Variants in DHX36 observed in about 807,000 individuals in gnomAD.
DHX36 encodes ATP-dependent DNA/RNA helicase DHX36.
A neutral mutation model predicts 139.0 loss-of-function variants in DHX36; 50 were observed. The ratio of observed to expected loss-of-function variants is 0.36; its 90% confidence interval spans 0.29 to 0.46. The LOEUF is 0.46. Ranked by LOEUF, DHX36 falls within the 20% of genes least tolerant of loss-of-function variation. DHX36 has a pLI of 1.00. For synonymous variants in DHX36, 425 were observed against 401.9 expected, an observed-to-expected ratio of 1.06 and a Z score of -0.69; for missense variants, 1,024 against 1,211.3, an observed-to-expected ratio of 0.85 and a Z score of 2.29.
rs1008135636 is a variant in DHX36, at chr3:154,273,315, C to A, written c.*2856G>T. Reference sequence around the variant, plus strand: ...TGCAGAAGACATAAATTGGAGGTAACAATAACTGCTTTAATCTCTGTGAAT... The same window carrying A: ...TGCAGAAGACATAAATTGGAGGTAAAAATAACTGCTTTAATCTCTGTGAAT... On this transcript the variant is annotated 3_prime_UTR_variant, in exon 25 of 25. Coordinates refer to ENST00000496811, the MANE Select transcript of DHX36 (RefSeq NM_020865.3). 2 of 152,138 alleles carry A rather than the reference C, an allele frequency of 1.3e-5. No individual in the cohort carries two copies. Among genetic ancestry groups the A allele is most frequent in the Non-Finnish European group, 2.9e-5 (2 of 68,022 alleles). 9.4% of individuals were successfully genotyped at this position (152,138 alleles called of 1,614,324 possible). A position where few individuals can be genotyped will look rare whatever the true frequency, so the allele number is the denominator to read the frequency against.
chr3:154,292,106 C>A (rs564222957), intron 15 of DHX36, among the ~76,000 whole-genome samples: 35 of 152,220 alleles, frequency 2.3e-4, no homozygotes, highest in African/African-American at 7.7e-4. Context: ...GGACTTTGGA[C>A]AAGTCATTTA....
chr3:154,319,889 T>C (rs1713124796), intron 1 of DHX36, among the ~76,000 whole-genome samples: 1 of 152,146 alleles, frequency 6.6e-6, no homozygotes, highest in East Asian at 1.9e-4. Flanking sequence ...AACCCTCTCG[T>C]GAATTCCCCT....
At chr3:154,312,827 C>CA (rs1161856747) in intron 3 of DHX36, among the ~76,000 whole-genome samples, 90 of 62,064 alleles carry the variant, frequency 1.5e-3, no homozygotes, top group South Asian at 6.7e-3. Context: ...GACTCCATCT[C>CA]AAAAAAAAAA....
chr3:154,301,892 T>C (rs1712309187), intron 9 of DHX36, among the ~76,000 whole-genome samples: 1 of 151,842 alleles, frequency 6.6e-6, no homozygotes, highest in Non-Finnish European at 1.5e-5. Context: ...GAGGACAGCA[T>C]CTAGATGGAA....
At chr3:154,303,439 A>G (rs1342813194) in intron 8 of DHX36, 29 bp from the exon 9 acceptor site, 1 of 1,488,334 alleles carries the variant, frequency 6.7e-7, no homozygotes, top group Non-Finnish European at 9.2e-7. Context: ...TATAAGCATA[A>G]ATTTGTACTC....
chr3:154,285,219 TGAGA>T (rs1399837322), intron 17 of DHX36, among the ~76,000 whole-genome samples: 1 of 152,180 alleles, frequency 6.6e-6, no homozygotes, highest in Admixed American at 6.5e-5. Flanking sequence ...TTTTCTGTGT[TGAGA>T]GAAATACCAG....
In DHX36 at chr3:154,286,173, A is replaced by AC. The variant is rs1245228873; in HGVS notation, c.2032-1187_2032-1186insG. Among the ~76,000 whole-genome samples the AC allele has an allele frequency of 2.8e-4, 33 of 119,324 alleles. 1 individual carries two copies. Among genetic ancestry groups the AC allele is most frequent in the Non-Finnish European group, 5.2e-4 (29 of 55,338 alleles). 78.3% of individuals were successfully genotyped at this position (119,324 alleles called of 152,430 possible). A position where few individuals can be genotyped will look rare whatever the true frequency, so the allele number is the denominator to read the frequency against. On this transcript the variant is annotated intron_variant, in intron 17 of 24. Coordinates refer to ENST00000496811, the MANE Select transcript of DHX36 (RefSeq NM_020865.3). ...ATAAGAGCTTCCACACACCAAAAAA[A>AC]AAAAAAAAAAAAAAAAAAACACCAA...
chr3:154,280,651 T>G lies in DHX36; in HGVS notation c.2495A>C (p.Lys832Thr), dbSNP rs1719305531. The change falls in exon 22 of 25, where the codon AAA (lysine) becomes ACA (threonine). Residue 832 changes from lysine to threonine, a missense_variant. Around this residue, in one of 4 missense-constraint regions of DHX36, gnomAD observed 470 missense variants for 616.2 expected, o/e 0.76. Coordinates refer to ENST00000496811, the MANE Select transcript of DHX36 (RefSeq NM_020865.3). ...NINSDNEKII[K>T]AVICAGLYPK... ...ATATAAACCAGCACAGATGACAGCT[T>G]TAATTATCTTCTCATTATCTATGGG... 6.2e-7 allele frequency: 1 copy of G among 1,612,956 alleles called. No homozygotes were observed. Among genetic ancestry groups the G allele is most frequent in the African/African-American group, 1.3e-5 (1 of 74,854 alleles).
intron 1 of DHX36, chr3:154,319,055 G>C (rs1713093253): frequency 6.6e-6 from 1 of 152,070 alleles, no homozygotes; most frequent in African/African-American, 2.4e-5. Context: ...TGAGTTTCTG[G>C]ATGCTGCAGG....
intron 20 of DHX36, among the ~76,000 whole-genome samples, chr3:154,282,353 T>C (rs1719356995): frequency 6.6e-6 from 1 of 152,136 alleles, no homozygotes; most frequent in African/African-American, 2.4e-5. Context: ...TTAAGGGGTG[T>C]CCATTCTGTT....
At chr3:154,324,150 C>T in intron 1 of DHX36, 24 bp downstream of exon 1, 2 of 1,598,768 alleles carry the variant, frequency 1.3e-6, no homozygotes, top group Non-Finnish European at 1.7e-6. Context: ...GCCTCATCCT[C>T]TCCACTACTG....
intron 17 of DHX36, among the ~76,000 whole-genome samples, chr3:154,286,333 T>C (rs1456183229): frequency 6.6e-6 from 1 of 151,378 alleles, no homozygotes; most frequent in Non-Finnish European, 1.5e-5. Flanking sequence ...TAAATAAAAC[T>C]CTAATTATTT....
intron 12 of DHX36, among the ~76,000 whole-genome samples, chr3:154,297,653 T>G (rs1434447077): frequency 6.6e-6 from 1 of 150,378 alleles, no homozygotes. Context: ...GAGGTTGCAG[T>G]GAGCTGAGAT....
Position 154,289,960 on chromosome 3 carries a change from T to C in DHX36, c.1815-134A>G, listed in dbSNP as rs1049451511. ...CATGCCACATAATAGCTAATGTACGTAATTATTTTTTCCTTTTTATGAATC... is the reference window on the plus strand; with the variant it reads ...CATGCCACATAATAGCTAATGTACGCAATTATTTTTTCCTTTTTATGAATC... On this transcript the variant is annotated intron_variant, in intron 15 of 24. Transcript: ENST00000496811. 3 of 558,424 alleles carry C rather than the reference T, an allele frequency of 5.4e-6. No homozygotes were observed. The Admixed American group carries it at 1.0e-4, about 19-fold the overall frequency. 34.6% of individuals were successfully genotyped at this position (558,424 alleles called of 1,614,324 possible).
At chr3:154,306,965 A>G (rs1227136974) in intron 5 of DHX36, among the ~76,000 whole-genome samples, 1 of 152,144 alleles carries the variant, frequency 6.6e-6, no homozygotes, top group African/African-American at 2.4e-5. Context: ...ATGGTGGAAA[A>G]AAGAAGAGAA....
intron 5 of DHX36, among the ~76,000 whole-genome samples, chr3:154,308,968 G>A (rs1253676149): frequency 2.6e-5 from 4 of 151,890 alleles, no homozygotes; most frequent in South Asian, 4.2e-4. Context: ...TGGGCAGATC[G>A]CTTGAGCCCA....
chr3:154,283,343 C>T, intron 19 of DHX36, 72 bp from the exon 20 acceptor site: 1 of 1,053,408 alleles, frequency 9.5e-7, no homozygotes, highest in Non-Finnish European at 1.5e-6. Context: ...TCCCTCTTTA[C>T]TTTAGTAAAA....
At chr3:154,305,202 G>GT in intron 6 of DHX36, 34 bp from the exon 7 acceptor site, 1 of 1,563,310 alleles carries the variant, frequency 6.4e-7, no homozygotes, top group Non-Finnish European at 8.7e-7. Context: ...ATAAGCCTTG[G>GT]TTTTCTCTTC....
chr3:154,315,165 A>G lies in DHX36; in HGVS notation c.484T>C (p.Tyr162His). The stretch of plus-strand genomic sequence containing the variant: ...AGATACTCAGAATCTCGGTCAATAT[A>G]TGATCTGTTCCTGATTCTAAACATT... ...KKMFRIRNRS[Y>H]IDRDSEYLLQ... Residue 162 changes from tyrosine (Y) to histidine (H), a missense_variant, in exon 3 of 25, where the codon TAT (tyrosine) becomes CAT (histidine). Coordinates refer to ENST00000496811, the MANE Select transcript of DHX36 (RefSeq NM_020865.3). 1.2e-6 allele frequency: 2 copies of G among 1,613,480 alleles called. No homozygotes were observed. The highest frequency in any genetic ancestry group is 1.3e-5 in the African/African-American group (1 of 74,984).
Sources: gnomAD v4.1 joint callset for allele counts (sites outside exome capture counted in the v4.1 genomes callset) on GRCh38, gnomAD v4.1.1 for gene constraint, gnomAD v4.1.1 regional missense constraint, MANE v1.5 for transcripts, NCBI Gene and HGNC (gene_info 2026-07-23, HGNC 2026-07-21) for gene names.